TMEM132C: variants seen among roughly 807,000 people sequenced by gnomAD.
TMEM132C encodes the protein protein phosphatase 1, regulatory subunit 152.
In TMEM132C, 29 loss-of-function variants were observed where a neutral mutation model predicts 61.4. The observed-to-expected ratio is 0.47, with a 90% CI of 0.35 to 0.64. The LOEUF (loss-of-function observed/expected upper bound fraction) is 0.64. Ranked by LOEUF, TMEM132C falls within the 30% of genes least tolerant of loss-of-function variation. TMEM132C has a pLI of 0.00. For missense variants in TMEM132C, 1,408 were observed against 1,476.9 expected, an observed-to-expected ratio of 0.95 and a Z score of 0.76; for synonymous variants, 656 against 633.1, an observed-to-expected ratio of 1.04 and a Z score of -0.54.
chr12:128,664,680 G>A (rs1954438581), intron 4 of TMEM132C, among the ~76,000 whole-genome samples: 1 of 152,170 alleles, frequency 6.6e-6, no homozygotes, highest in African/African-American at 2.4e-5. Flanking sequence ...AGAGCCGGAT[G>A]GGGCCAGAGG....
rs368120812 is a variant in TMEM132C, at chr12:128,394,750, C to T, written c.86-19982C>T. On this transcript the variant is annotated intron_variant, in intron 1 of 8. Transcript: ENST00000435159. Reference sequence around the variant, plus strand: ...CCTTTAAAGTGTGTTGTGCACCTGTCGGAAAACCATACGAGCCATACACGG... The same window carrying T: ...CCTTTAAAGTGTGTTGTGCACCTGTTGGAAAACCATACGAGCCATACACGG... 5.3e-5 allele frequency among the ~76,000 whole-genome samples: 8 copies of T among 152,156 alleles called. No individual in the cohort carries two copies. In the East Asian group the frequency reaches 1.2e-3, roughly 22 times the overall value.
Position 128,415,045 on chromosome 12 carries a change from C to A in TMEM132C, c.399C>A (p.Ala133=), listed in dbSNP as rs1292824368. 7.6e-6 allele frequency: 12 copies of A among 1,581,412 alleles called. No individual in the cohort carries two copies. The highest frequency in any genetic ancestry group is 8.6e-6 in the Non-Finnish European group (10 of 1,163,496). Residue 133 remains alanine (A), a synonymous_variant, in exon 2 of 9, where the codon GCC becomes GCA. Coordinates refer to ENST00000435159, the MANE Select transcript of TMEM132C (RefSeq NM_001136103.3). This position sits in a 1 kb window ranked among gnomAD's most constrained non-coding sequence, Gnocchi z 5.8. ...TTAGTTTTGATTGGAAACTAAAAGCCCACATCCTGCGGGACAAAGTCTACC... is the reference window on the plus strand; with the variant it reads ...TTAGTTTTGATTGGAAACTAAAAGCACACATCCTGCGGGACAAAGTCTACC... ...NKFSFDWKLK[A]HILRDKVYLS... is the part of the protein sequence containing the mutation.
chr12:128,320,645 T>A (rs1356496100), intron 1 of TMEM132C, among the ~76,000 whole-genome samples: 2 of 152,060 alleles, frequency 1.3e-5, no homozygotes, highest in East Asian at 3.9e-4. Flanking sequence ...GGCTCATGCC[T>A]TTAGTTCCAG....
At chr12:128,616,502 C>A (rs1876808454) in intron 4 of TMEM132C, among the ~76,000 whole-genome samples, 167 bp downstream of exon 4, 1 of 152,178 alleles carries the variant, frequency 6.6e-6, no homozygotes, top group Non-Finnish European at 1.5e-5. Context: ...ATGAGCCTGG[C>A]CTTTCTCAAC....
chr12:128,433,496 G>A (rs947063624), intron 2 of TMEM132C, among the ~76,000 whole-genome samples: 11 of 152,254 alleles, frequency 7.2e-5, no homozygotes, highest in African/African-American at 2.6e-4. Context: ...TCCTGCCTCA[G>A]TTTACCTTTT....
intron 4 of TMEM132C, among the ~76,000 whole-genome samples, chr12:128,636,440 T>G (rs1954104282): frequency 6.6e-6 from 1 of 152,206 alleles, no homozygotes; most frequent in Non-Finnish European, 1.5e-5. Flanking sequence ...TTCATCAATT[T>G]GGACATGCAC....
At position 128,485,424 on chromosome 12, in the gene TMEM132C, A is replaced by C. The variant is rs188610757; in HGVS notation, c.975-58533A>C. On this transcript the variant is annotated intron_variant, in intron 2 of 8. Coordinates refer to ENST00000435159, the MANE Select transcript of TMEM132C (RefSeq NM_001136103.3). The stretch of plus-strand genomic sequence containing the variant: ...ACTCCTGACCTCAGGTGATTCGCCC[A>C]CCTCGGCCTCCCAAAGTGCTGGGAT... Among the ~76,000 whole-genome samples, 334 of 152,100 alleles carry C rather than the reference A, an allele frequency of 2.2e-3. 2 individuals carry two copies. Among genetic ancestry groups the C allele is most frequent in the African/African-American group, 7.4e-3 (306 of 41,482 alleles).
intron 1 of TMEM132C, among the ~76,000 whole-genome samples, 179 bp from the exon 2 acceptor site, chr12:128,414,553 C>T (rs945640419): frequency 1.3e-5 from 2 of 152,236 alleles, no homozygotes; most frequent in African/African-American, 2.4e-5. Context: ...ATGCATAATT[C>T]GTGGACCATG....
At chr12:128,641,680 C>T (rs763018376) in intron 4 of TMEM132C, among the ~76,000 whole-genome samples, 13 of 152,170 alleles carry the variant, frequency 8.5e-5, no homozygotes, top group South Asian at 2.1e-4. Flanking sequence ...GACCTCCAGC[C>T]GCAGAACCTT....
intron 1 of TMEM132C, among the ~76,000 whole-genome samples, chr12:128,345,486 T>A (rs1401760240): frequency 2.0e-5 from 3 of 152,208 alleles, no homozygotes; most frequent in African/African-American, 7.2e-5. Flanking sequence ...CGCCACACTG[T>A]CTTCCACAAT....
chr12:128,623,000 T>C (rs988857485), intron 4 of TMEM132C, among the ~76,000 whole-genome samples: 2 of 152,192 alleles, frequency 1.3e-5, no homozygotes, highest in Non-Finnish European at 2.9e-5. Context: ...GCTGGAAATT[T>C]GCTTTGGGAT....
At chr12:128,517,103 T>C (rs1270513186) in intron 2 of TMEM132C, among the ~76,000 whole-genome samples, 1 of 150,152 alleles carries the variant, frequency 6.7e-6, no homozygotes, top group Admixed American at 6.6e-5. Flanking sequence ...TGGTGGCGTG[T>C]GCCTGTAATC....
intron 1 of TMEM132C, among the ~76,000 whole-genome samples, chr12:128,413,333 A>T (rs1271779526): frequency 7.2e-6 from 1 of 139,428 alleles, no homozygotes; most frequent in Admixed American, 7.4e-5. Flanking sequence ...CAATGTTGCA[A>T]TAAATGATCT....
At chr12:128,378,724 C>T (rs542189341) in intron 1 of TMEM132C, among the ~76,000 whole-genome samples, 18 of 152,218 alleles carry the variant, frequency 1.2e-4, no homozygotes, top group African/African-American at 3.1e-4. Context: ...CTCCTCTGCT[C>T]GGGACAGCAA....
chr12:128,690,699 T>C (rs1013420067), intron 5 of TMEM132C, among the ~76,000 whole-genome samples: 1 of 152,212 alleles, frequency 6.6e-6, no homozygotes, highest in African/African-American at 2.4e-5. Flanking sequence ...GGATGGCAAC[T>C]AAAATTGCCT....
intron 8 of TMEM132C, among the ~76,000 whole-genome samples, chr12:128,697,975 C>A (rs1349766329): frequency 6.6e-6 from 1 of 152,178 alleles, no homozygotes; most frequent in Non-Finnish European, 1.5e-5. Flanking sequence ...AGTTATGATA[C>A]CCTCTTCTCA....
intron 3 of TMEM132C, among the ~76,000 whole-genome samples, chr12:128,590,092 G>A (rs1875699917): frequency 1.3e-5 from 2 of 152,212 alleles, no homozygotes; most frequent in Non-Finnish European, 2.9e-5. Flanking sequence ...GGAGATTGAC[G>A]AAGGCCTACC....
intron 8 of TMEM132C, 121 bp from the exon 9 acceptor site, chr12:128,704,969 T>G: frequency 5.5e-6 from 6 of 1,082,714 alleles, no homozygotes; most frequent in East Asian, 2.6e-5. Flanking sequence ...CCCAGATGCA[T>G]GAGCTACTGG....
chr12:128,645,001 A>G (rs1410326492), intron 4 of TMEM132C, among the ~76,000 whole-genome samples: 1 of 152,166 alleles, frequency 6.6e-6, no homozygotes, highest in Admixed American at 6.5e-5. Context: ...GGGGGCGAAC[A>G]GCGTTGAAAG....
Sources: gnomAD v4.1 joint callset for allele counts (sites outside exome capture counted in the v4.1 genomes callset) on GRCh38, gnomAD v4.1.1 for gene constraint, Gnocchi (gnomAD v3.1) non-coding constraint, MANE v1.5 for transcripts, NCBI Gene and HGNC (gene_info 2026-07-23, HGNC 2026-07-21) for gene names.